AGR3: variants seen among roughly 807,000 people sequenced by gnomAD.
AGR3 encodes anterior gradient protein 3.
In AGR3, 37 loss-of-function variants were observed where a neutral mutation model predicts 24.5. The observed-to-expected ratio is 1.51, with a 90% CI of 1.16 to 1.99. The LOEUF is 1.99. Among genes scored for constraint, AGR3 ranks in the 30% most tolerant of loss-of-function variants. The pLI is 0.00. For missense variants in AGR3, 228 were observed against 191.1 expected, an observed-to-expected ratio of 1.19 and a Z score of -1.14; for synonymous variants, 75 against 61.6, an observed-to-expected ratio of 1.22 and a Z score of -1.02.
downstream of AGR3, among the ~76,000 whole-genome samples, chr7:16,857,058 T>C (rs528766339): frequency 6.6e-6 from 1 of 151,080 alleles, no homozygotes; most frequent in Admixed American, 6.6e-5. Flanking sequence ...GACTTGATCA[T>C]AGCTCATTGC....
chr7:16,872,350 T>A (rs1202631779), intron 3 of AGR3, among the ~76,000 whole-genome samples: 1 of 152,088 alleles, frequency 6.6e-6, no homozygotes, highest in African/African-American at 2.4e-5. Context: ...AGAACATGCA[T>A]TGGGGAAAGG....
intron 2 of AGR3, among the ~76,000 whole-genome samples, chr7:16,878,060 C>A (rs775812741): frequency 4.1e-4 from 63 of 151,890 alleles, no homozygotes; most frequent in Non-Finnish European, 7.7e-4. Context: ...ACCCCGAATT[C>A]TCAGAGTTTG....
downstream of AGR3, among the ~76,000 whole-genome samples, chr7:16,858,503 AT>A (rs929951960): frequency 7.9e-5 from 12 of 152,180 alleles, no homozygotes; most frequent in African/African-American, 2.4e-4. Context: ...AATTGGAGAA[AT>A]TCTTCATTTT....
chr7:16,866,410 G>T (rs765467000), intron 3 of AGR3: 15 of 272,590 alleles, frequency 5.5e-5, no homozygotes, highest in Non-Finnish European at 1.0e-4. Flanking sequence ...AAGATGCCAG[G>T]TTCCTGAAAT....
At chr7:16,858,566 A>C (rs1781584859), downstream of AGR3, among the ~76,000 whole-genome samples, 1 of 152,122 alleles carries the variant, frequency 6.6e-6, no homozygotes, top group South Asian at 2.1e-4. Flanking sequence ...TAAAGTATCT[A>C]CCCAATAATT....
chr7:16,867,796 C>T (rs1026618887), intron 3 of AGR3, among the ~76,000 whole-genome samples: 7 of 152,144 alleles, frequency 4.6e-5, no homozygotes, highest in East Asian at 1.9e-4. Context: ...CCAGGTTCTT[C>T]TATGTTGTTG....
At position 16,878,609 on chromosome 7, in the gene AGR3, G is replaced by A. The variant is rs781323748; in HGVS notation, c.10C>T (p.His4Tyr). 6.2e-7 allele frequency: 1 copy of A among 1,613,854 alleles called. No homozygotes were observed. Among genetic ancestry groups the A allele is most frequent in the Non-Finnish European group, 8.5e-7 (1 of 1,179,788 alleles). MML[H>Y]SALGLCLLLV... ...AAGAGGCAGAGACCCAAAGCTGAGT[G>A]TAGCATCATGTCTTCTAGAGACTCT... Residue 4 changes from histidine (H) to tyrosine (Y), a missense_variant, in exon 2 of 8, where the codon CAC (histidine) becomes TAC (tyrosine). His to Tyr is a moderately conservative substitution (Grantham distance 83). Transcript: ENST00000310398.
At chr7:16,862,156 A>G in intron 4 of AGR3, 96 bp from the exon 5 acceptor site, 1 of 951,516 alleles carries the variant, frequency 1.1e-6, no homozygotes, top group South Asian at 1.4e-5. Context: ...ATTTGTTTGC[A>G]TATATAACTC....
chr7:16,861,104 T>C (rs1224571729), intron 6 of AGR3, among the ~76,000 whole-genome samples: 1 of 152,228 alleles, frequency 6.6e-6, no homozygotes, highest in African/African-American at 2.4e-5. Context: ...ATTCTCCTTT[T>C]AGTGTGTCAT....
At chr7:16,875,545 T>C (rs1003540164) in intron 2 of AGR3, among the ~76,000 whole-genome samples, 3 of 152,188 alleles carry the variant, frequency 2.0e-5, no homozygotes, top group Non-Finnish European at 4.4e-5. Flanking sequence ...CTTTTTGTCT[T>C]TTATGAATAA....
In AGR3 at chr7:16,862,593, T is replaced by C. The variant is rs751310249; in HGVS notation, c.226+17A>G. On this transcript the variant is annotated intron_variant, in intron 4 of 7. Coordinates refer to ENST00000310398, the MANE Select transcript of AGR3 (RefSeq NM_176813.5). ...AAATATTATATATTATAATAAGATA[T>C]CAGGGGCTAAAATTACCTTGAGAGT... The C allele has an allele frequency of 1.4e-6, 2 of 1,471,328 alleles. No individual in the cohort carries two copies. The highest frequency in any genetic ancestry group is 2.9e-5 in the South Asian group (2 of 70,014). The allele number at this position is 1,471,328 out of a possible 1,614,324, so 91.1% of individuals were successfully genotyped here.
chr7:16,881,672 A>G (rs1782118970), intron 1 of AGR3, among the ~76,000 whole-genome samples: 1 of 152,230 alleles, frequency 6.6e-6, no homozygotes, highest in African/African-American at 2.4e-5. Flanking sequence ...ACTTAAAAGA[A>G]TATAAAGAAG....
chr7:16,872,487 C>T (rs1314941908), intron 3 of AGR3, among the ~76,000 whole-genome samples: 2 of 152,040 alleles, frequency 1.3e-5, no homozygotes, highest in East Asian at 1.9e-4. Flanking sequence ...AATGTAAGAC[C>T]CCAAACTATA....
intron 2 of AGR3, among the ~76,000 whole-genome samples, chr7:16,877,496 T>A (rs1032716789): frequency 1.3e-5 from 2 of 151,712 alleles, no homozygotes; most frequent in East Asian, 3.9e-4. Flanking sequence ...ATACTGCTGA[T>A]TTTGAATAGC....
intron 1 of AGR3, among the ~76,000 whole-genome samples, chr7:16,880,086 C>CCCTTCCTTCCTTCCTTCTTT (rs1782077036): frequency 2.2e-5 from 3 of 138,032 alleles, no homozygotes; most frequent in Non-Finnish European, 4.8e-5. Context: ...TCCTTCTTTC[C>CCCTTCCTTCCTTCCTTCTTT]CCTTCCTTCC....
downstream of AGR3, among the ~76,000 whole-genome samples, chr7:16,855,993 A>G (rs2115397659): frequency 6.6e-6 from 1 of 152,266 alleles, no homozygotes; most frequent in Non-Finnish European, 1.5e-5. Flanking sequence ...ATGGTAAAAT[A>G]CATTCTCCTT....
At chr7:16,858,938 G>A (rs1423238519), downstream of AGR3, among the ~76,000 whole-genome samples, 1 of 152,164 alleles carries the variant, frequency 6.6e-6, no homozygotes, top group Non-Finnish European at 1.5e-5. Flanking sequence ...AAATGTCTAA[G>A]TGTAAAGTAA....
At chr7:16,864,596 T>C (rs1781714750) in intron 3 of AGR3, 4 of 1,494,410 alleles carry the variant, frequency 2.7e-6, no homozygotes, top group South Asian at 1.1e-5. Flanking sequence ...TGATTTCTCA[T>C]TGGAATGGTT....
At chr7:16,856,136 T>C (rs1781553445), downstream of AGR3, among the ~76,000 whole-genome samples, 1 of 152,218 alleles carries the variant, frequency 6.6e-6, no homozygotes, top group Admixed American at 6.5e-5. Flanking sequence ...ACCAGTGATA[T>C]ATCGTACCAC....
Sources: gnomAD v4.1 joint callset for allele counts (sites outside exome capture counted in the v4.1 genomes callset) on GRCh38, gnomAD v4.1.1 for gene constraint, MANE v1.5 for transcripts, NCBI Gene and HGNC (gene_info 2026-07-23, HGNC 2026-07-21) for gene names.